NEK11: variants seen among roughly 807,000 people sequenced by gnomAD.
NEK11 encodes NIMA related kinase 11, also known as serine/threonine-protein kinase Nek11.
NEK11 carries 72 observed loss-of-function variants against 80.7 expected under a neutral mutation model. The observed-to-expected ratio is 0.89, with a 90% CI of 0.74 to 1.08. The LOEUF is 1.08. Ranked by LOEUF, NEK11 falls within the 50% of genes least tolerant of loss-of-function variation. NEK11 has a pLI of 0.00. For synonymous variants in NEK11, 251 were observed against 260.7 expected (o/e 0.96, Z 0.36); for missense variants, 764 against 763.6 (o/e 1.00, Z -0.01).
intron 3 of NEK11, among the ~76,000 whole-genome samples, chr3:131,078,561 A>G (rs2074759149): frequency 6.6e-6 from 1 of 152,172 alleles, no homozygotes; most frequent in African/African-American, 2.4e-5. Flanking sequence ...TAGACCCTGA[A>G]TATGAAACAA....
intron 3 of NEK11, among the ~76,000 whole-genome samples, chr3:131,062,570 C>T (rs2071083855): frequency 6.6e-6 from 1 of 152,188 alleles, no homozygotes; most frequent in Non-Finnish European, 1.5e-5. Context: ...TTATCTTGTG[C>T]TCCTTCTAAT....
intron 14 of NEK11, among the ~76,000 whole-genome samples, chr3:131,226,186 T>G (rs2095189115): frequency 6.6e-6 from 1 of 152,144 alleles, no homozygotes; most frequent in Non-Finnish European, 1.5e-5. Flanking sequence ...GAAGACATCA[T>G]ATGGTTCTGT....
chr3:131,249,620 A>G (rs2095664637), intron 16 of NEK11, among the ~76,000 whole-genome samples: 1 of 152,132 alleles, frequency 6.6e-6, no homozygotes, highest in Non-Finnish European at 1.5e-5. Context: ...TGAAACCCCC[A>G]GATACCATTC....
At chr3:131,252,672 T>C (rs1402686075) in intron 16 of NEK11, among the ~76,000 whole-genome samples, 6 of 152,126 alleles carry the variant, frequency 3.9e-5, no homozygotes. Context: ...TCAGTGATTT[T>C]CACACTTGGG....
intron 5 of NEK11, among the ~76,000 whole-genome samples, chr3:131,129,097 A>AG (rs1428315595): frequency 7.8e-6 from 1 of 127,972 alleles, no homozygotes; most frequent in Non-Finnish European, 1.6e-5. Flanking sequence ...TCTGTCACGC[A>AG]GGCGTGTCAG....
intron 3 of NEK11, among the ~76,000 whole-genome samples, chr3:131,038,016 CT>C (rs2065912585): frequency 6.6e-6 from 1 of 152,028 alleles, no homozygotes; most frequent in Non-Finnish European, 1.5e-5. Context: ...CTAATGATTT[CT>C]TTCTATTTTG....
At chr3:131,255,070 CAGAAAGAAGGAAAGAA>C (rs1473574294) in intron 16 of NEK11, among the ~76,000 whole-genome samples, 1 of 108,614 alleles carries the variant, frequency 9.2e-6, no homozygotes, top group Non-Finnish European at 2.0e-5. Flanking sequence ...GACAGACAGA[CAGAAAGAAGGAAAGAA>C]AGAAAGAAAG....
At chr3:131,104,950 T>G (rs2149303382) in intron 4 of NEK11, among the ~76,000 whole-genome samples, 1 of 152,310 alleles carries the variant, frequency 6.6e-6, no homozygotes, top group South Asian at 2.1e-4. Context: ...TCTGCACCAA[T>G]CCTGGGTGGG....
At chr3:131,341,449 T>C (rs1459909992) in intron 17 of NEK11, among the ~76,000 whole-genome samples, 1 of 152,212 alleles carries the variant, frequency 6.6e-6, no homozygotes, top group Non-Finnish European at 1.5e-5. Flanking sequence ...GTCTAGCACA[T>C]GGTCAGTTTT....
At chr3:131,326,738 G>C (rs1010027740) in intron 17 of NEK11, among the ~76,000 whole-genome samples, 3 of 152,176 alleles carry the variant, frequency 2.0e-5, no homozygotes, top group Non-Finnish European at 2.9e-5. Flanking sequence ...ATGGAGCAAA[G>C]GGGACTTACA....
intron 14 of NEK11, among the ~76,000 whole-genome samples, chr3:131,206,677 T>A (rs897015035): frequency 9.5e-5 from 14 of 147,254 alleles, no homozygotes; most frequent in Non-Finnish European, 1.8e-4. Context: ...ATTTATTTAT[T>A]TTTTTATTAT....
intron 15 of NEK11, among the ~76,000 whole-genome samples, chr3:131,233,999 T>C (rs952563676): frequency 6.6e-6 from 1 of 152,256 alleles, no homozygotes; most frequent in South Asian, 2.1e-4. Flanking sequence ...CTCTGCTTTA[T>C]ACAGTCTTTC....
intron 3 of NEK11, among the ~76,000 whole-genome samples, chr3:131,054,272 A>G (rs1316648411): frequency 1.3e-5 from 2 of 152,188 alleles, no homozygotes; most frequent in Non-Finnish European, 2.9e-5. Flanking sequence ...CAGAGGTTGC[A>G]GTGAGCTGAG....
chr3:131,222,079 A>G lies in NEK11; in HGVS notation c.1400-6449A>G, dbSNP rs549539459. Among the ~76,000 whole-genome samples, 4 of 152,244 alleles carry G rather than the reference A, an allele frequency of 2.6e-5. No homozygotes were observed. In the South Asian group the frequency reaches 8.3e-4, roughly 32 times the overall value. On this transcript the variant is annotated intron_variant, in intron 14 of 17. Coordinates refer to ENST00000383366, the MANE Select transcript of NEK11 (RefSeq NM_024800.5). Reference sequence around the variant, plus strand: ...TTCAGTTTTTCTATCTCGTAAGTCAAAAGTCTATCCCTTGTTGTCTAATAT... The same window carrying G: ...TTCAGTTTTTCTATCTCGTAAGTCAGAAGTCTATCCCTTGTTGTCTAATAT...
At chr3:131,285,576 C>A (rs562830224) in intron 17 of NEK11, among the ~76,000 whole-genome samples, 1 of 152,332 alleles carries the variant, frequency 6.6e-6, no homozygotes, top group Admixed American at 6.5e-5. Context: ...TTTTGAAAAA[C>A]AGTCTTCATC....
intron 3 of NEK11, among the ~76,000 whole-genome samples, chr3:131,079,532 T>C (rs1031621642): frequency 1.3e-5 from 2 of 152,232 alleles, no homozygotes; most frequent in African/African-American, 4.8e-5. Context: ...ATAATTGGTG[T>C]TCTAAAGTAT....
intron 4 of NEK11, among the ~76,000 whole-genome samples, chr3:131,092,651 C>A (rs898810873): frequency 6.6e-6 from 1 of 152,030 alleles, no homozygotes; most frequent in Non-Finnish European, 1.5e-5. Flanking sequence ...GGATTCTGGG[C>A]AACGATAGCC....
intron 15 of NEK11, among the ~76,000 whole-genome samples, chr3:131,242,946 T>C (rs2095540971): frequency 6.6e-6 from 1 of 152,126 alleles, no homozygotes; most frequent in African/African-American, 2.4e-5. Flanking sequence ...AGTGGTATTC[T>C]TAGATTTAGC....
chr3:131,183,970 G>A (rs188273589), intron 14 of NEK11, among the ~76,000 whole-genome samples: 53 of 151,960 alleles, frequency 3.5e-4, no homozygotes, highest in Middle Eastern at 3.4e-3. Flanking sequence ...TTTTATAATC[G>A]CAGAGGCCAT....
Sources: gnomAD v4.1 joint callset for allele counts (sites outside exome capture counted in the v4.1 genomes callset) on GRCh38, gnomAD v4.1.1 for gene constraint, MANE v1.5 for transcripts, NCBI Gene and HGNC (gene_info 2026-07-23, HGNC 2026-07-21) for gene names.